The following CSMD3 variants were observed in gnomAD, a reference collection of about 807,000 sequenced individuals.
CSMD3 encodes the protein CUB and Sushi multiple domains 3.
Under a neutral mutation model 435.2 loss-of-function variants are expected in CSMD3, and 177 were observed. The ratio of observed to expected loss-of-function variants is 0.41; its 90% CI spans 0.36 to 0.46. The LOEUF (loss-of-function observed/expected upper bound fraction) is 0.46, where lower values mean the gene tolerates loss of function less well. Among genes scored for constraint, CSMD3 ranks in the 20% least tolerant of loss-of-function variants. CSMD3 has a pLI of 0.34. For missense variants in CSMD3, 4,265 were observed against 4,504.6 expected, an observed-to-expected ratio of 0.95 and a Z score of 1.52; for synonymous variants, 1,656 against 1,520.5, an observed-to-expected ratio of 1.09 and a Z score of -2.07.
intron 35 of CSMD3, among the ~76,000 whole-genome samples, chr8:112,398,252 G>A (rs766375646): frequency 4.6e-5 from 7 of 152,066 alleles, no homozygotes; most frequent in Non-Finnish European, 4.4e-5. Context: ...ACCCAGACAC[G>A]CTGCAGGGAA....
In CSMD3 at chr8:113,329,101, C is replaced by T. The variant is rs564928218; in HGVS notation, c.179-14308G>A. On this transcript the variant is annotated intron_variant, in intron 1 of 70. Transcript: ENST00000297405. ...CATTTTAAGAAACTGGAAAGTATGG[C>T]TCATTTTAAAAATAAGTGGTTAGAA... is the stretch of plus-strand genomic sequence containing the variant. 2.6e-5 allele frequency among the ~76,000 whole-genome samples: 4 copies of T among 151,586 alleles called. No homozygotes were observed. In the South Asian group the frequency reaches 8.3e-4, roughly 32 times the overall value.
At chr8:113,403,695 A>C (rs1165075662) in intron 1 of CSMD3, among the ~76,000 whole-genome samples, 1 of 151,436 alleles carries the variant, frequency 6.6e-6, no homozygotes, top group Non-Finnish European at 1.5e-5. Context: ...TCCATAGCAA[A>C]TGTAAAAGTA....
intron 3 of CSMD3, among the ~76,000 whole-genome samples, chr8:113,274,037 T>C (rs1465630264): frequency 6.6e-6 from 1 of 151,984 alleles, no homozygotes; most frequent in African/African-American, 2.4e-5. Flanking sequence ...TTGATAGCGG[T>C]CTTTATTAAA....
intron 32 of CSMD3, among the ~76,000 whole-genome samples, chr8:112,448,935 C>G (rs1374581710): frequency 6.6e-6 from 1 of 152,072 alleles, no homozygotes; most frequent in Non-Finnish European, 1.5e-5. Flanking sequence ...TTGATAGGAA[C>G]TGAAAGGGAT....
chr8:112,300,895 T>G (rs1208627173), intron 53 of CSMD3, among the ~76,000 whole-genome samples: 2 of 152,198 alleles, frequency 1.3e-5, no homozygotes, highest in African/African-American at 4.8e-5. Context: ...TTTTCTGCCA[T>G]GTGTCATATT....
Position 112,947,804 on chromosome 8 carries a change from G to A in CSMD3, c.1494C>T (p.Ile498=), listed in dbSNP as rs61759498. The A allele has an allele frequency of 3.9e-3, 5,472 of 1,416,578 alleles. 165 individuals are homozygous for A. The African/African-American group carries it at 0.068, about 18-fold the overall frequency. 87.8% of individuals were successfully genotyped at this position (1,416,578 alleles called of 1,614,324 possible). A position where few individuals can be genotyped will look rare whatever the true frequency, so the allele number is the denominator to read the frequency against. The change falls in exon 9 of 71, where the codon ATC becomes ATT. Residue 498 remains isoleucine (I), a synonymous_variant. Coordinates refer to ENST00000297405, the MANE Select transcript of CSMD3 (RefSeq NM_198123.2). ...DPGEPENGKR[I]GSDFSLGSTV... ...TAAAATATTACCTAAAATCTGATCC[G>A]ATTCTCTTCCCATTTTCTGGTTCTC...
At chr8:112,754,231 TG>T (rs750739624) in intron 13 of CSMD3, among the ~76,000 whole-genome samples, 6 of 152,170 alleles carry the variant, frequency 3.9e-5, no homozygotes, top group Non-Finnish European at 8.8e-5. Flanking sequence ...TGAACAGAGC[TG>T]TAAGGCCGGA....
At chr8:112,364,827 A>C (rs907233347) in intron 38 of CSMD3, among the ~76,000 whole-genome samples, 2 of 152,118 alleles carry the variant, frequency 1.3e-5, no homozygotes, top group Non-Finnish European at 2.9e-5. Context: ...ATATTTGAAA[A>C]AACAAACACA....
At chr8:112,491,347 A>G (rs1820672067) in intron 31 of CSMD3, among the ~76,000 whole-genome samples, 2 of 152,172 alleles carry the variant, frequency 1.3e-5, no homozygotes, top group Non-Finnish European at 1.5e-5. Context: ...TAACAGAGAA[A>G]AGTTCCAAAA....
At chr8:112,721,164 G>C (rs1211501324) in intron 13 of CSMD3, among the ~76,000 whole-genome samples, 3 of 152,048 alleles carry the variant, frequency 2.0e-5, no homozygotes, top group African/African-American at 7.2e-5. Context: ...ATGTTTCCTT[G>C]ACTTGTTAAT....
At chr8:112,566,571 C>T in intron 24 of CSMD3, among the ~76,000 whole-genome samples, 1 of 152,026 alleles carries the variant, frequency 6.6e-6, no homozygotes, top group East Asian at 1.9e-4. Context: ...AAAGCGGCCA[C>T]CAAATCATTT....
At chr8:113,362,737 A>G (rs925398537) in intron 1 of CSMD3, among the ~76,000 whole-genome samples, 2 of 152,120 alleles carry the variant, frequency 1.3e-5, no homozygotes, top group African/African-American at 4.8e-5. Context: ...TCAATATCAC[A>G]CTTTAGTTTG....
chr8:112,434,709 C>A (rs373096674), intron 32 of CSMD3, among the ~76,000 whole-genome samples: 1 of 152,048 alleles, frequency 6.6e-6, no homozygotes, highest in East Asian at 1.9e-4. Context: ...TAGAAAGGAA[C>A]CATCAATGTG....
intron 32 of CSMD3, among the ~76,000 whole-genome samples, chr8:112,450,706 T>C (rs1816161723): frequency 6.6e-6 from 1 of 152,212 alleles, no homozygotes; most frequent in Non-Finnish European, 1.5e-5. Context: ...GCTTTGAATT[T>C]ATAGCAGACT....
intron 38 of CSMD3, among the ~76,000 whole-genome samples, chr8:112,370,791 T>G (rs1828316210): frequency 6.6e-6 from 1 of 152,204 alleles, no homozygotes; most frequent in Non-Finnish European, 1.5e-5. Context: ...TATTATATTT[T>G]CACCTTTTAT....
At chr8:112,743,347 A>G (rs1253605945) in intron 13 of CSMD3, among the ~76,000 whole-genome samples, 1 of 151,942 alleles carries the variant, frequency 6.6e-6, no homozygotes, top group Non-Finnish European at 1.5e-5. Context: ...AATGATTTTC[A>G]AAGTGGGAGA....
intron 2 of CSMD3, among the ~76,000 whole-genome samples, chr8:113,305,622 T>A (rs939989878): frequency 6.6e-6 from 1 of 152,256 alleles, no homozygotes; most frequent in African/African-American, 2.4e-5. Context: ...TCATTTCTTT[T>A]TGGCAAAATG....
intron 38 of CSMD3, among the ~76,000 whole-genome samples, chr8:112,373,751 A>T (rs1425174026): frequency 6.6e-6 from 1 of 152,208 alleles, no homozygotes; most frequent in Non-Finnish European, 1.5e-5. Flanking sequence ...GACAGAAATT[A>T]TGATGCCCTT....
At chr8:112,975,815 C>A (rs762542003) in intron 7 of CSMD3, 22 bp downstream of exon 7, 6 of 1,612,016 alleles carry the variant, frequency 3.7e-6, no homozygotes, top group Non-Finnish European at 5.1e-6. Flanking sequence ...TAAATGGGCA[C>A]AAGTAAAATA....
Sources: gnomAD v4.1 joint callset for allele counts (sites outside exome capture counted in the v4.1 genomes callset) on GRCh38, gnomAD v4.1.1 for gene constraint, MANE v1.5 for transcripts, NCBI Gene and HGNC (gene_info 2026-07-23, HGNC 2026-07-21) for gene names.